Variants in THRAP3 observed in about 807,000 individuals in gnomAD.
THRAP3 encodes the protein thyroid hormone receptor associated protein 3.
A neutral mutation model predicts 101.0 loss-of-function variants in THRAP3; 16 were observed. That is an observed-to-expected ratio of 0.16 (90% CI 0.11 to 0.24). The LOEUF (loss-of-function observed/expected upper bound fraction) is 0.24, where lower values mean the gene tolerates loss of function less well. Among genes scored for constraint, THRAP3 ranks in the 10% least tolerant of loss-of-function variants. The pLI is 1.00. For missense variants in THRAP3, 989 were observed against 1,202.7 expected (o/e 0.82, Z 2.63); for synonymous variants, 407 against 422.6 (o/e 0.96, Z 0.45).
chr1:36,238,160 G>T (rs1306934949), intron 1 of THRAP3, among the ~76,000 whole-genome samples: 2 of 152,042 alleles, frequency 1.3e-5, no homozygotes, highest in African/African-American at 4.8e-5. Flanking sequence ...TAGAGACAGG[G>T]TCTCGTTTTG....
intron 1 of THRAP3, among the ~76,000 whole-genome samples, chr1:36,232,590 A>G (rs909938605): frequency 1.3e-5 from 2 of 152,234 alleles, no homozygotes; most frequent in African/African-American, 2.4e-5. Context: ...TCTAGTCACT[A>G]CCTAGGACAT....
At chr1:36,254,755 T>G (rs1284583847) in intron 1 of THRAP3, among the ~76,000 whole-genome samples, 1 of 152,202 alleles carries the variant, frequency 6.6e-6, no homozygotes, top group Non-Finnish European at 1.5e-5. Context: ...GAATGTTGTA[T>G]AATTTTAACC....
At chr1:36,302,603 A>G (rs1313120252) in intron 11 of THRAP3, among the ~76,000 whole-genome samples, 2 of 152,158 alleles carry the variant, frequency 1.3e-5, no homozygotes, top group African/African-American at 4.8e-5. Context: ...TGATTCGTTT[A>G]GTGTGAACAA....
At chr1:36,227,847 G>A (rs795049) in intron 1 of THRAP3, among the ~76,000 whole-genome samples, 30,684 of 151,926 alleles carry the variant, frequency 0.2, 4,687 homozygotes, top group African/African-American at 0.42. Flanking sequence ...ACCTGGATTC[G>A]AAACAAGTAA....
At chr1:36,213,663 T>C in the THRAP3 span, among the ~76,000 whole-genome samples, 3 of 151,576 alleles carry the variant, frequency 2.0e-5, no homozygotes, top group Non-Finnish European at 4.4e-5. Flanking sequence ...CTGGCCAACA[T>C]AGTGAAACCC....
chr1:36,294,167 G>GAAAAAA, intron 8 of THRAP3: 1 of 1,261,640 alleles, frequency 7.9e-7, no homozygotes, highest in African/African-American at 1.5e-5. Flanking sequence ...AGGTGAGCTT[G>GAAAAAA]AGAAAAAAAA....
At chr1:36,270,598 A>G (rs562160381) in intron 2 of THRAP3, among the ~76,000 whole-genome samples, 47 of 97,960 alleles carry the variant, frequency 4.8e-4, no homozygotes, top group African/African-American at 1.9e-3. Context: ...TTTTTTTGAG[A>G]CGGAGTTTCG....
At chr1:36,221,650 C>T (rs1644903213), upstream of THRAP3, among the ~76,000 whole-genome samples, 1 of 152,200 alleles carries the variant, frequency 6.6e-6, no homozygotes, top group South Asian at 2.1e-4. Context: ...ATGGCGCGAT[C>T]TAAGCTCACT....
At chr1:36,301,155 A>G (rs1181776577) in intron 10 of THRAP3, 71 bp downstream of exon 10, 5 of 1,479,186 alleles carry the variant, frequency 3.4e-6, no homozygotes, top group Non-Finnish European at 2.8e-6. Flanking sequence ...TTTCATCAGA[A>G]TACCAGTTTT....
At chr1:36,231,686 G>A (rs1016889663) in intron 1 of THRAP3, among the ~76,000 whole-genome samples, 1 of 152,062 alleles carries the variant, frequency 6.6e-6, no homozygotes, top group Non-Finnish European at 1.5e-5. Context: ...GATTGATAGA[G>A]GAATGCATAG....
Position 36,292,723 on chromosome 1 carries a change from C to T in THRAP3, c.2030+14C>T. 2 of 1,578,812 alleles carry T rather than the reference C, an allele frequency of 1.3e-6. No homozygotes were observed. Among genetic ancestry groups the T allele is most frequent in the East Asian group, 2.2e-5 (1 of 44,518 alleles). ...AGAGATACACAGGTAAGGACCATGG[C>T]CTTATACTGGAGGTTGTAATAAAAG... On this transcript the variant is annotated intron_variant, in intron 7 of 11. Coordinates refer to ENST00000354618, the MANE Select transcript of THRAP3 (RefSeq NM_005119.4).
chr1:36,253,781 G>GTTTTTTTTTTTTTTTTTTTTTTTTTTTT (rs1353553825), intron 1 of THRAP3, among the ~76,000 whole-genome samples: 62 of 35,130 alleles, frequency 1.8e-3, no homozygotes, highest in East Asian at 2.1e-3. Context: ...TTTTTTTTTA[G>GTTTTTTTTTTTTTTTTTTTTTTTTTTTT]TTTTTGTAGA....
intron 2 of THRAP3, among the ~76,000 whole-genome samples, chr1:36,277,336 T>G (rs1645673848): frequency 7.1e-6 from 1 of 141,116 alleles, no homozygotes; most frequent in Non-Finnish European, 1.6e-5. Context: ...AGTGCAGTGG[T>G]GTACAGGCAG....
chr1:36,258,013 G>C (rs1645397288), intron 1 of THRAP3, among the ~76,000 whole-genome samples: 1 of 152,166 alleles, frequency 6.6e-6, no homozygotes, highest in African/African-American at 2.4e-5. Flanking sequence ...GCTACTTTTT[G>C]TATTTTTAGT....
chr1:36,282,549 A>T lies in THRAP3; in HGVS notation c.-15A>T. On this transcript the variant is annotated 5_prime_UTR_variant, in exon 3 of 12. Coordinates refer to ENST00000354618, the MANE Select transcript of THRAP3 (RefSeq NM_005119.4). Reference sequence around the variant, plus strand: ...TTACATTAGGTGTAATTGAAAAGTGATCCTCTCTTCAGAGATGTCAAAAAC... The same window carrying T: ...TTACATTAGGTGTAATTGAAAAGTGTTCCTCTCTTCAGAGATGTCAAAAAC... The T allele has an allele frequency of 6.2e-7, 1 of 1,612,476 alleles. No homozygotes were observed. Among genetic ancestry groups the T allele is most frequent in the Non-Finnish European group, 8.5e-7 (1 of 1,179,052 alleles).
At chr1:36,251,018 A>G (rs1350284832) in intron 1 of THRAP3, among the ~76,000 whole-genome samples, 1 of 152,034 alleles carries the variant, frequency 6.6e-6, no homozygotes, top group African/African-American at 2.4e-5. Context: ...AAGTGCTGAG[A>G]TTACAGGTGA....
At chr1:36,279,435 A>G (rs1371528463) in intron 2 of THRAP3, among the ~76,000 whole-genome samples, 1 of 152,150 alleles carries the variant, frequency 6.6e-6, no homozygotes, top group Non-Finnish European at 1.5e-5. Context: ...AAAAAAACAA[A>G]ATGTATTTTT....
At chr1:36,275,972 T>C (rs1240946874) in intron 2 of THRAP3, among the ~76,000 whole-genome samples, 2 of 152,124 alleles carry the variant, frequency 1.3e-5, no homozygotes, top group Non-Finnish European at 2.9e-5. Context: ...TGAGTTGAGA[T>C]TGCACTACTG....
At chr1:36,238,239 G>A (rs1422270579) in intron 1 of THRAP3, among the ~76,000 whole-genome samples, 1 of 152,052 alleles carries the variant, frequency 6.6e-6, no homozygotes, top group Non-Finnish European at 1.5e-5. Flanking sequence ...AGAGTGCTAG[G>A]ATTATATGGG....
Sources: allele counts gnomAD v4.1 joint callset (sites outside exome capture counted in the v4.1 genomes callset), GRCh38; gene constraint gnomAD v4.1.1; transcripts MANE v1.5; gene names NCBI Gene and HGNC (gene_info 2026-07-23, HGNC 2026-07-21).